MAP3K15: variants seen among roughly 807,000 people sequenced by gnomAD.
MAP3K15 encodes the protein MAPK/ERK kinase kinase 15.
A neutral mutation model predicts 99.5 loss-of-function variants in MAP3K15; 124 were observed. The ratio of observed to expected loss-of-function variants is 1.25; its 90% CI spans 1.08 to 1.45. The LOEUF is 1.45. Among genes scored for constraint, MAP3K15 ranks in the 40% most tolerant of loss-of-function variants. The pLI, the probability that MAP3K15 is intolerant of heterozygous loss-of-function variation, is 0.00. For missense variants in MAP3K15, 1,242 were observed against 1,079.7 expected (o/e 1.15, Z -2.11); for synonymous variants, 494 against 439.6 (o/e 1.12, Z -1.55).
chrX:19,425,459 A>G (rs2063821677), intron 9 of MAP3K15, 72 bp downstream of exon 9: 1 of 1,014,585 alleles, frequency 9.9e-7, no homozygotes, highest in African/African-American at 1.9e-5. Context: ...AAACATAGTG[A>G]TTATAAGGAA....
intron 4 of MAP3K15, 62 bp from the exon 5 acceptor site, chrX:19,460,215 G>GC (rs201465630): frequency 1.2e-6 from 1 of 836,501 alleles, no homozygotes; most frequent in South Asian, 3.3e-5. Flanking sequence ...ACTGTCTTGC[G>GC]CCCAAAATGG....
chrX:19,425,435 A>G, intron 9 of MAP3K15, 96 bp downstream of exon 9: 1 of 903,322 alleles, frequency 1.1e-6, no homozygotes, highest in Non-Finnish European at 1.5e-6. Context: ...GCTTTAATGA[A>G]AAGTCAGAAG....
At chrX:19,451,387 T>C (rs765576101) in intron 6 of MAP3K15, among the ~76,000 whole-genome samples, 19 of 101,158 alleles carry the variant, frequency 1.9e-4, no homozygotes, top group Non-Finnish European at 3.7e-4. Flanking sequence ...CTATACAATA[T>C]AGGAAAACAG....
intron 12 of MAP3K15, 22 bp from the exon 13 acceptor site, chrX:19,407,305 T>C (rs1245423140): frequency 3.1e-6 from 3 of 972,782 alleles, no homozygotes; most frequent in South Asian, 4.5e-5. Flanking sequence ...CAAAGCATAA[T>C]GTTTATACAT....
chrX:19,368,622 G>A (rs1379533118), intron 25 of MAP3K15, among the ~76,000 whole-genome samples: 2 of 111,654 alleles, frequency 1.8e-5, no homozygotes, highest in South Asian at 3.8e-4. Context: ...CCTCGGGGTC[G>A]GGATTATGGG....
chrX:19,477,521 C>T lies in MAP3K15; in HGVS notation c.525+8961G>A, dbSNP rs1294310204. Among the ~76,000 whole-genome samples, 4 of 108,048 alleles carry T rather than the reference C, an allele frequency of 3.7e-5. No homozygotes were observed. In the East Asian group the frequency reaches 9.0e-4, roughly 24 times the overall value. The allele number at this position is 108,048 out of a possible 115,157, so 93.8% of individuals were successfully genotyped here. ...GCTCAGGAGTTCAAGACCAGCCTGG[C>T]CAACAGGGTTAAACCCCATCTCTAC... On this transcript the variant is annotated intron_variant, in intron 3 of 28. Coordinates refer to ENST00000338883, the MANE Select transcript of MAP3K15 (RefSeq NM_001001671.4).
intron 13 of MAP3K15, among the ~76,000 whole-genome samples, chrX:19,404,596 CAACT>C (rs1287949086): frequency 2.4e-4 from 27 of 112,097 alleles, no homozygotes; most frequent in African/African-American, 8.1e-4. Flanking sequence ...CCTGATTTTA[CAACT>C]TACTACAAAG....
At chrX:19,449,686 T>G (rs2064024453) in intron 6 of MAP3K15, among the ~76,000 whole-genome samples, 1 of 109,142 alleles carries the variant, frequency 9.2e-6, no homozygotes, top group African/African-American at 3.3e-5. Context: ...AACTTTGAAT[T>G]TACCAAACGA....
intron 6 of MAP3K15, among the ~76,000 whole-genome samples, chrX:19,434,997 AT>A (rs2063910984): frequency 8.9e-6 from 1 of 112,178 alleles, no homozygotes; most frequent in Non-Finnish European, 1.9e-5. Context: ...TGCAAACTGG[AT>A]CTCTTGTTGC....
intron 19 of MAP3K15, among the ~76,000 whole-genome samples, chrX:19,379,088 C>T (rs2063439903): frequency 9.0e-6 from 1 of 110,674 alleles, no homozygotes; most frequent in South Asian, 3.9e-4. Flanking sequence ...AAGGACCCTC[C>T]CCCACCCTGC....
intron 4 of MAP3K15, among the ~76,000 whole-genome samples, chrX:19,460,424 C>A (rs2064123925): frequency 8.9e-6 from 1 of 112,370 alleles, no homozygotes; most frequent in South Asian, 3.6e-4. Context: ...ACAGAACTTG[C>A]AGCCAACCAA....
At chrX:19,415,940 T>C (rs112363314) in intron 9 of MAP3K15, among the ~76,000 whole-genome samples, 147 of 112,099 alleles carry the variant, frequency 1.3e-3, no homozygotes, top group Non-Finnish European at 2.3e-3. Flanking sequence ...CAAAACTGCA[T>C]AAAATTAACT....
chrX:19,361,391 A>G lies in MAP3K15; in HGVS notation c.3805T>C (p.Ser1269Pro), dbSNP rs752352625. The G allele has an allele frequency of 1.7e-5, 20 of 1,208,066 alleles. No individual in the cohort carries two copies. The East Asian group carries it at 5.9e-4, about 36-fold the overall frequency. The change falls in exon 28 of 29, where the codon TCG becomes CCG. Residue 1269 changes from serine to proline, a missense_variant. Ser to Pro is a moderately conservative substitution (Grantham distance 74). Coordinates refer to ENST00000338883, the MANE Select transcript of MAP3K15 (RefSeq NM_001001671.4). ...TTAGTGATCTCATTAAGAATATCCG[A>G]AAGTGTATAACCCTCTTCAACAATC... is the stretch of plus-strand genomic sequence containing the variant. The part of the protein sequence containing the change: ...EKIVEEGYTL[S>P]DILNEITKED...
intron 13 of MAP3K15, among the ~76,000 whole-genome samples, chrX:19,405,738 G>A (rs1401354721): frequency 8.9e-6 from 1 of 111,806 alleles, no homozygotes; most frequent in Non-Finnish European, 1.9e-5. Flanking sequence ...AGGTAATGGA[G>A]CATTGTCTAC....
chrX:19,403,735 A>G (rs777294209), intron 13 of MAP3K15, among the ~76,000 whole-genome samples: 9 of 110,056 alleles, frequency 8.2e-5, no homozygotes, highest in African/African-American at 3.0e-4. Context: ...CCAAAGTGCT[A>G]GGATTACAGG....
intron 7 of MAP3K15, among the ~76,000 whole-genome samples, chrX:19,430,834 T>C (rs2063875408): frequency 9.0e-6 from 1 of 110,679 alleles, no homozygotes. Context: ...CACTCCCTTA[T>C]CACTTTTCTA....
chrX:19,396,762 C>T (rs771657873), intron 15 of MAP3K15, among the ~76,000 whole-genome samples: 11 of 111,937 alleles, frequency 9.8e-5, no homozygotes, highest in East Asian at 8.4e-4. Flanking sequence ...GCACTCGACA[C>T]TGAAGGCAAT....
chrX:19,463,411 C>G (rs1407490291), intron 4 of MAP3K15, among the ~76,000 whole-genome samples: 1 of 112,039 alleles, frequency 8.9e-6, no homozygotes, highest in African/African-American at 3.2e-5. Flanking sequence ...GTCAGCTCTG[C>G]CAGTGTTTGG....
intron 6 of MAP3K15, 111 bp from the exon 7 acceptor site, chrX:19,431,719 G>A: frequency 3.2e-6 from 2 of 615,538 alleles, no homozygotes; most frequent in Non-Finnish European, 4.8e-6. Flanking sequence ...GCCGAAGCGG[G>A]TAGATCATTT....
Sources: allele counts gnomAD v4.1 joint callset (sites outside exome capture counted in the v4.1 genomes callset), GRCh38; gene constraint gnomAD v4.1.1; transcripts MANE v1.5; gene names NCBI Gene and HGNC (gene_info 2026-07-23, HGNC 2026-07-21).